Variants in ACOXL observed in about 807,000 individuals in gnomAD.
ACOXL encodes acyl-CoA oxidase like.
Under a neutral mutation model 71.9 loss-of-function variants are expected in ACOXL, and 70 were observed. That is an observed-to-expected ratio of 0.97 (90% CI 0.80 to 1.19). The LOEUF is 1.19. Among genes scored for constraint, ACOXL ranks in the 50% most tolerant of loss-of-function variants. The pLI, the probability that ACOXL is intolerant of heterozygous loss-of-function variation, is 0.00. For missense variants in ACOXL, 703 were observed against 736.3 expected (o/e 0.95, Z 0.52); for synonymous variants, 253 against 281.6 (o/e 0.90, Z 1.02).
chr2:110,778,350 G>A (rs1165195517), intron 2 of ACOXL, among the ~76,000 whole-genome samples: 1 of 152,154 alleles, frequency 6.6e-6, no homozygotes, highest in African/African-American at 2.4e-5. Flanking sequence ...ATGCAGACAG[G>A]TAAAGACACA....
intron 15 of ACOXL, 30 bp downstream of exon 15, chr2:111,031,744 T>C: frequency 6.2e-7 from 1 of 1,607,934 alleles, no homozygotes; most frequent in African/African-American, 1.3e-5. Flanking sequence ...ATATTTGTAA[T>C]TGAGTGACTC....
chr2:110,977,008 G>A (rs2062474784), intron 12 of ACOXL, among the ~76,000 whole-genome samples: 1 of 152,038 alleles, frequency 6.6e-6, no homozygotes, highest in Non-Finnish European at 1.5e-5. Flanking sequence ...TAAAAGATTG[G>A]GTAGGAGATT....
intron 12 of ACOXL, among the ~76,000 whole-genome samples, chr2:110,986,904 G>A (rs2149549904): frequency 6.6e-6 from 1 of 152,238 alleles, no homozygotes; most frequent in South Asian, 2.1e-4. Context: ...AATGAAGTTG[G>A]CCACAGGGGA....
At chr2:110,839,461 G>A (rs1690869477) in intron 9 of ACOXL, among the ~76,000 whole-genome samples, 2 of 152,056 alleles carry the variant, frequency 1.3e-5, no homozygotes. Context: ...TCTTCTGTTT[G>A]CTTAAGTTTC....
intron 16 of ACOXL, among the ~76,000 whole-genome samples, chr2:111,066,481 C>G (rs1446627173): frequency 6.6e-6 from 1 of 152,098 alleles, no homozygotes. Flanking sequence ...GTATCAATAT[C>G]TATATGCTGG....
chr2:111,046,848 A>G (rs1168928389), intron 15 of ACOXL, among the ~76,000 whole-genome samples: 1 of 151,920 alleles, frequency 6.6e-6, no homozygotes, highest in Non-Finnish European at 1.5e-5. Flanking sequence ...GTCAGGAGCC[A>G]TCAGGGTGGT....
At position 111,032,109 on chromosome 2, in the gene ACOXL, G is replaced by C. The variant is rs1449736270; in HGVS notation, c.1369+395G>C. ...GATAAAGTGAGAGTGTTTTAACAGG[G>C]GTCCTGCCTGAGGAATTTTAAGTGC... On this transcript the variant is annotated intron_variant, in intron 15 of 17. Transcript: ENST00000439055. Among the ~76,000 whole-genome samples, 2 of 152,240 alleles carry C rather than the reference G, an allele frequency of 1.3e-5. 1 individual carries two copies. The highest frequency in any genetic ancestry group is 4.1e-4 in the South Asian group (2 of 4,828).
chr2:110,864,420 G>A (rs1694311768), intron 10 of ACOXL, among the ~76,000 whole-genome samples: 1 of 152,152 alleles, frequency 6.6e-6, no homozygotes, highest in African/African-American at 2.4e-5. Context: ...GAAACCCGAA[G>A]CCATTTGTTT....
chr2:111,094,521 A>C (rs905084277), intron 17 of ACOXL, among the ~76,000 whole-genome samples: 11 of 152,156 alleles, frequency 7.2e-5, no homozygotes, highest in Non-Finnish European at 1.6e-4. Flanking sequence ...AGAGCAAGAG[A>C]GGGTGAAAGC....
intron 12 of ACOXL, among the ~76,000 whole-genome samples, chr2:110,946,690 A>G (rs927146023): frequency 2.6e-5 from 4 of 152,188 alleles, no homozygotes; most frequent in African/African-American, 9.7e-5. Flanking sequence ...AATTTGGGTA[A>G]GTCCTCACTT....
chr2:111,045,919 G>T (rs1276723615), intron 15 of ACOXL, among the ~76,000 whole-genome samples: 2 of 152,024 alleles, frequency 1.3e-5, no homozygotes, highest in African/African-American at 2.4e-5. Context: ...GTGCACTTCA[G>T]TCCAGTTCCA....
intron 9 of ACOXL, among the ~76,000 whole-genome samples, chr2:110,806,788 T>C (rs1173948790): frequency 6.6e-6 from 1 of 152,112 alleles, no homozygotes; most frequent in Admixed American, 6.5e-5. Context: ...GCACTCTTGC[T>C]GGTTTTGATG....
intron 16 of ACOXL, among the ~76,000 whole-genome samples, chr2:111,074,504 G>A (rs1278587272): frequency 6.6e-6 from 1 of 151,810 alleles, no homozygotes; most frequent in Non-Finnish European, 1.5e-5. Context: ...AGGAATTAAT[G>A]TTAAATTTTG....
intron 2 of ACOXL, among the ~76,000 whole-genome samples, chr2:110,780,443 G>A (rs1170457637): frequency 6.6e-6 from 1 of 152,100 alleles, no homozygotes; most frequent in East Asian, 1.9e-4. Flanking sequence ...CATTCCTAAG[G>A]ATTTACAAAA....
chr2:111,115,475 T>A (rs2150092604), intron 17 of ACOXL: 1 of 152,308 alleles, frequency 6.6e-6, no homozygotes, highest in African/African-American at 2.4e-5. Context: ...ATTAAACCTC[T>A]AAAGTCCAGA....
At chr2:111,095,391 CTTTTTTTT>C (rs780172456) in intron 17 of ACOXL, among the ~76,000 whole-genome samples, 31 of 116,584 alleles carry the variant, frequency 2.7e-4, no homozygotes, top group African/African-American at 9.9e-4. Flanking sequence ...TTTTCTTTTT[CTTTTTTTT>C]TTTTTTTTTT....
intron 1 of ACOXL, among the ~76,000 whole-genome samples, chr2:110,736,795 A>AT (rs1274823245): frequency 1.3e-5 from 2 of 151,700 alleles, no homozygotes; most frequent in East Asian, 1.9e-4. Flanking sequence ...AATTTTTTGT[A>AT]TTTTTTAGTA....
intron 9 of ACOXL, among the ~76,000 whole-genome samples, chr2:110,814,508 T>C (rs61376946): frequency 0.051 from 7,747 of 152,256 alleles, 315 homozygotes; most frequent in African/African-American, 0.1. Context: ...AAAAAAAGTT[T>C]ACAATTCCTT....
chr2:110,961,958 G>T (rs940150121), intron 12 of ACOXL, among the ~76,000 whole-genome samples: 6 of 152,192 alleles, frequency 3.9e-5, no homozygotes, highest in African/African-American at 1.4e-4. Context: ...ATGACACGTG[G>T]GGATTATTAC....
Sources: allele counts gnomAD v4.1 joint callset (sites outside exome capture counted in the v4.1 genomes callset), GRCh38; gene constraint gnomAD v4.1.1; transcripts MANE v1.5; gene names NCBI Gene and HGNC (gene_info 2026-07-23, HGNC 2026-07-21).